The following FCRL2 variants were observed in gnomAD, a reference collection of about 807,000 sequenced individuals.
FCRL2 encodes Fc receptor like 2, also known as Fc receptor-like protein 2.
In FCRL2, 48 loss-of-function variants were observed where a neutral mutation model predicts 59.8. That is an observed-to-expected ratio of 0.80 (90% CI 0.64 to 1.02). The LOEUF (loss-of-function observed/expected upper bound fraction) is 1.02, where lower values mean the gene tolerates loss of function less well. Ranked by LOEUF, FCRL2 falls within the 50% of genes least tolerant of loss-of-function variation. FCRL2 has a pLI of 0.00. For missense variants in FCRL2, 658 were observed against 597.3 expected (o/e 1.10, Z -1.06); for synonymous variants, 251 against 229.5 (o/e 1.09, Z -0.85).
At chr1:157,750,302 T>C (rs969998286) in intron 7 of FCRL2, among the ~76,000 whole-genome samples, 1 of 152,180 alleles carries the variant, frequency 6.6e-6, no homozygotes, top group Admixed American at 6.5e-5. Context: ...AGTCCTCCAT[T>C]AATACCTCAG....
chr1:157,754,775 G>A (rs898618685), intron 7 of FCRL2, among the ~76,000 whole-genome samples: 5 of 152,098 alleles, frequency 3.3e-5, no homozygotes, highest in South Asian at 2.1e-4. Context: ...AGACCAGCCC[G>A]GGCAACATGG....
chr1:157,771,172 A>T lies in FCRL2; in HGVS notation c.53-506T>A, dbSNP rs1649993622. Among the ~76,000 whole-genome samples the T allele has an allele frequency of 2.6e-5, 4 of 152,330 alleles. No homozygotes were observed. The South Asian group carries it at 8.3e-4, about 32-fold the overall frequency. On this transcript the variant is annotated intron_variant, in intron 2 of 11. Transcript: ENST00000361516. ...GTTTCAACATATGAATTTGAGGGAG[A>T]TACAAACATTCAGTCTATTGCAGGG...
At chr1:157,753,363 T>C (rs1648340425) in intron 7 of FCRL2, among the ~76,000 whole-genome samples, 1 of 152,202 alleles carries the variant, frequency 6.6e-6, no homozygotes, top group Non-Finnish European at 1.5e-5. Flanking sequence ...AACTGGGGAT[T>C]CCCAGGACTC....
chr1:157,767,710 G>C (rs918483877), intron 5 of FCRL2: 9 of 1,550,606 alleles, frequency 5.8e-6, no homozygotes, highest in Non-Finnish European at 7.8e-6. Flanking sequence ...TCTGGGTGCT[G>C]CCTGCAGACA....
intron 3 of FCRL2, 78 bp from the exon 4 acceptor site, chr1:157,770,228 C>T (rs140654643): frequency 3.8e-5 from 58 of 1,536,028 alleles, no homozygotes; most frequent in Admixed American, 5.5e-5. Context: ...CAAGAAGCAA[C>T]CCCAGCAAAC....
chr1:157,774,893 T>C (rs1571302321), intron 2 of FCRL2, among the ~76,000 whole-genome samples: 1 of 152,306 alleles, frequency 6.6e-6, no homozygotes, highest in East Asian at 1.9e-4. Context: ...CAGCATTCAA[T>C]GGGCAAGGGA....
At chr1:157,760,691 G>GAAGGAAAGAAAGAAAT (rs1557860327) in intron 7 of FCRL2, among the ~76,000 whole-genome samples, 7 of 122,766 alleles carry the variant, frequency 5.7e-5, no homozygotes, top group African/African-American at 2.1e-4. Flanking sequence ...AAGAAAGAAA[G>GAAGGAAAGAAAGAAAT]AAAGAAGGAA....
At chr1:157,746,963 T>G (rs1241814489) in intron 10 of FCRL2, 64 bp from the exon 11 acceptor site, 5 of 1,542,472 alleles carry the variant, frequency 3.2e-6, no homozygotes, top group Non-Finnish European at 4.4e-6. Context: ...CTCCCAGACT[T>G]TATGCCCCAG....
rs931575809 is a variant in FCRL2 at position 157,766,638 on chromosome 1, C to G, written c.1279+217G>C. 8.4e-6 allele frequency: 5 copies of G among 597,736 alleles called. No homozygotes were observed. The African/African-American group carries it at 9.7e-5, about 12-fold the overall frequency. The allele number at this position is 597,736 out of a possible 1,614,324, so 37.0% of individuals were successfully genotyped here. A position where few individuals can be genotyped will look rare whatever the true frequency, so the allele number is the denominator to read the frequency against. On this transcript the variant is annotated intron_variant, in intron 7 of 11. Coordinates refer to ENST00000361516, the MANE Select transcript of FCRL2 (RefSeq NM_030764.4). ...GGAAAGAATGTGTAAATAATTTAAT[C>G]TCCAGTGACTATGCACAGGGAACAG...
Position 157,769,770 on chromosome 1 carries a change from G to C in FCRL2, c.595+96C>G. ...CTAGCTTAATTTTCACTTTCCTCAAGGACAGGAGTTGAACAAAGAAACAGA... is the reference window on the plus strand; with the variant it reads ...CTAGCTTAATTTTCACTTTCCTCAACGACAGGAGTTGAACAAAGAAACAGA... On this transcript the variant is annotated intron_variant, in intron 4 of 11. Coordinates refer to ENST00000361516, the MANE Select transcript of FCRL2 (RefSeq NM_030764.4). 3 of 1,437,056 alleles carry C rather than the reference G, an allele frequency of 2.1e-6. No homozygotes were observed. In the South Asian group the frequency reaches 4.1e-5, roughly 19 times the overall value. 89.0% of individuals were successfully genotyped at this position (1,437,056 alleles called of 1,614,324 possible). A position where few individuals can be genotyped will look rare whatever the true frequency, so the allele number is the denominator to read the frequency against.
At chr1:157,772,030 A>T (rs868789943) in intron 2 of FCRL2, among the ~76,000 whole-genome samples, 1 of 146,406 alleles carries the variant, frequency 6.8e-6, no homozygotes, top group African/African-American at 2.5e-5. Flanking sequence ...CAATCTGATT[A>T]TATATATATA....
chr1:157,759,222 G>T (rs1202273225), intron 7 of FCRL2, among the ~76,000 whole-genome samples: 2 of 152,152 alleles, frequency 1.3e-5, no homozygotes, highest in Non-Finnish European at 1.5e-5. Context: ...TGTCATGATT[G>T]TAAGTTTCCT....
chr1:157,768,520 C>T lies in FCRL2; in HGVS notation c.777G>A (p.Glu259=), dbSNP rs772111104. 1.2e-6 allele frequency: 2 copies of T among 1,614,252 alleles called. No homozygotes were observed. The highest frequency in any genetic ancestry group is 2.2e-5 in the South Asian group (2 of 91,086). Residue 259 remains glutamate (E), a synonymous_variant, in exon 5 of 12, where the codon GAG becomes GAA. Transcript: ENST00000361516. ...TCTCTTTCACAGCTGGGATCTCCAGCTCTGCTGACAGGGAACGCTGGGTTT... is the reference window on the plus strand; with the variant it reads ...TCTCTTTCACAGCTGGGATCTCCAGTTCTGCTGACAGGGAACGCTGGGTTT... ...GKKTQRSLSA[E]LEIPAVKESD... is the part of the protein sequence containing the mutation.
intron 6 of FCRL2, 49 bp downstream of exon 6, chr1:157,767,182 A>G: frequency 6.4e-7 from 1 of 1,560,078 alleles, no homozygotes; most frequent in East Asian, 2.2e-5. Context: ...CAGGCTGGTG[A>G]GACACAGCCA....
At chr1:157,748,727 A>G (rs1234817260) in intron 9 of FCRL2, 109 bp from the exon 10 acceptor site, 3 of 1,202,310 alleles carry the variant, frequency 2.5e-6, no homozygotes, top group African/African-American at 3.0e-5. Context: ...CTCAACCCCA[A>G]CATGATTCTG....
At chr1:157,754,148 C>T (rs1452566703) in intron 7 of FCRL2, among the ~76,000 whole-genome samples, 1 of 152,086 alleles carries the variant, frequency 6.6e-6, no homozygotes, top group Admixed American at 6.5e-5. Flanking sequence ...ACCTACTGGG[C>T]CCCATTCCCA....
At chr1:157,764,402 A>T (rs1210426909) in intron 7 of FCRL2, among the ~76,000 whole-genome samples, 1 of 152,242 alleles carries the variant, frequency 6.6e-6, no homozygotes, top group Non-Finnish European at 1.5e-5. Context: ...CACTCTTAGC[A>T]TTAGACAGAT....
intron 7 of FCRL2, among the ~76,000 whole-genome samples, chr1:157,760,755 GAA>G (rs1649023516): frequency 8.0e-6 from 1 of 124,662 alleles, no homozygotes; most frequent in African/African-American, 3.0e-5. Context: ...AAGAAAGAAA[GAA>G]GAAAGAATGA....
In FCRL2 at chr1:157,767,449, TC is replaced by T; in HGVS notation, c.943del (p.Asp315ThrfsTer10). Reference sequence around the variant, plus strand: ...GGCCTCACAGTGAAGCTCCAGCAGGTCCCCCACTGCAGCCTGGGCCCCAGGA... The same window carrying T: ...GGCCTCACAGTGAAGCTCCAGCAGGTCCCCACTGCAGCCTGGGCCCCAGGA... ...RSPGAQAAVGDLLELHCEALR... is the reference protein window; with the variant it reads ...RSPGAQAAVGXLLELHCEALR... On this transcript the variant is annotated frameshift_variant, in exon 6 of 12. Coordinates refer to ENST00000361516, the MANE Select transcript of FCRL2 (RefSeq NM_030764.4). LOFTEE classifies it high-confidence loss of function. 1 of 1,613,798 alleles carries T rather than the reference TC, an allele frequency of 6.2e-7. No individual in the cohort carries two copies. Among genetic ancestry groups the T allele is most frequent in the Non-Finnish European group, 8.5e-7 (1 of 1,179,936 alleles).
Sources: allele counts gnomAD v4.1 joint callset (sites outside exome capture counted in the v4.1 genomes callset), GRCh38; gene constraint gnomAD v4.1.1; transcripts MANE v1.5; gene names NCBI Gene and HGNC (gene_info 2026-07-23, HGNC 2026-07-21).